The following GLIS2 variants were observed in gnomAD, a reference collection of about 807,000 sequenced individuals.
GLIS2 encodes GLIS family zinc finger 2, also known as zinc finger protein GLIS2.
In GLIS2, 14 loss-of-function variants were observed where a neutral mutation model predicts 35.6. That is an observed-to-expected ratio of 0.39 (90% CI 0.26 to 0.61). The LOEUF (loss-of-function observed/expected upper bound fraction) is 0.61, where lower values mean the gene tolerates loss of function less well. Among genes scored for constraint, GLIS2 ranks in the 20% least tolerant of loss-of-function variants. The pLI is 0.48. For synonymous variants in GLIS2, 368 were observed against 325.1 expected (o/e 1.13, Z -1.42); for missense variants, 675 against 713.4 (o/e 0.95, Z 0.61).
chr16:4,320,386 C>A lies in GLIS2; in HGVS notation c.-67+4132C>A, dbSNP rs937631170. Among the ~76,000 whole-genome samples, 2 of 152,030 alleles carry A rather than the reference C, an allele frequency of 1.3e-5. No homozygotes were observed. The highest frequency in any genetic ancestry group is 2.4e-5 in the African/African-American group (1 of 41,336). On this transcript the variant is annotated intron_variant, in intron 1 of 6. Coordinates refer to ENST00000433375, the MANE Select transcript of GLIS2 (RefSeq NM_032575.3). This position sits in a 1 kb window ranked among gnomAD's most constrained non-coding sequence, Gnocchi z 5.6. ...CGCTCCCAGGGCAGCCTCGCTTGGACCCTGGTAGTCAAGAGGTCGTCGGAG... is the reference window on the plus strand; with the variant it reads ...CGCTCCCAGGGCAGCCTCGCTTGGAACCTGGTAGTCAAGAGGTCGTCGGAG...
At chr16:4,334,378 C>T (rs1271026472) in intron 3 of GLIS2, among the ~76,000 whole-genome samples, 1 of 151,602 alleles carries the variant, frequency 6.6e-6, no homozygotes. Context: ...GCTGAGATTA[C>T]AGGCATGTGC....
chr16:4,316,917 A>G (rs2053319635), intron 1 of GLIS2, among the ~76,000 whole-genome samples: 1 of 151,976 alleles, frequency 6.6e-6, no homozygotes, highest in Non-Finnish European at 1.5e-5. Context: ...GCGGGTCTGG[A>G]GCGGGTGGAG....
In GLIS2 at chr16:4,320,379, G is replaced by C. The variant is rs928913713; in HGVS notation, c.-67+4125G>C. Among the ~76,000 whole-genome samples the C allele has an allele frequency of 3.3e-5, 5 of 152,158 alleles. No homozygotes were observed. Among genetic ancestry groups the C allele is most frequent in the African/African-American group, 1.2e-4 (5 of 41,442 alleles). On this transcript the variant is annotated intron_variant, in intron 1 of 6. Coordinates refer to ENST00000433375, the MANE Select transcript of GLIS2 (RefSeq NM_032575.3). The surrounding 1 kb of genome is among the most constrained non-coding windows in gnomAD (Gnocchi z 5.6). ...CACAGCACGCTCCCAGGGCAGCCTC[G>C]CTTGGACCCTGGTAGTCAAGAGGTC...
Position 4,332,389 on chromosome 16 carries a change from C to T in GLIS2, c.109C>T (p.His37Tyr). Residue 37 changes from histidine (H) to tyrosine (Y), a missense_variant, in exon 2 of 7, where the codon CAC becomes TAC. His to Tyr is a moderately conservative substitution (Grantham distance 83). Coordinates refer to ENST00000433375, the MANE Select transcript of GLIS2 (RefSeq NM_032575.3). The surrounding 1 kb of genome is among the most constrained non-coding windows in gnomAD (Gnocchi z 5.4). The part of the protein sequence containing the change: ...TLGVVRPRAL[H>Y]RELGLVDDSP... Reference sequence around the variant, plus strand: ...GGGTGTGGTCCGGCCCCGTGCTCTGCACAGGGAGCTGGGCCTGGTGGATGA... The same window carrying T: ...GGGTGTGGTCCGGCCCCGTGCTCTGTACAGGGAGCTGGGCCTGGTGGATGA... 1 of 1,612,974 alleles carries T rather than the reference C, an allele frequency of 6.2e-7. No homozygotes were observed. Among genetic ancestry groups the T allele is most frequent in the Non-Finnish European group, 8.5e-7 (1 of 1,180,014 alleles).
chr16:4,323,199 C>A (rs1284686426), intron 1 of GLIS2, among the ~76,000 whole-genome samples: 1 of 152,194 alleles, frequency 6.6e-6, no homozygotes, highest in Non-Finnish European at 1.5e-5. Flanking sequence ...GCTGTCTGTG[C>A]CCCAGCCTTG....
chr16:4,337,338 G>C lies in GLIS2; in HGVS notation c.1389G>C (p.Thr463=). The C allele has an allele frequency of 1.3e-6, 2 of 1,586,964 alleles. No individual in the cohort carries two copies. Among genetic ancestry groups the C allele is most frequent in the Non-Finnish European group, 1.7e-6 (2 of 1,168,444 alleles). ...TRALGMEGHK[T]PLERTESSCS... is the part of the protein sequence containing the mutation. ...CCCTGGGCATGGAGGGCCACAAGAC[G>C]CCCCTTGAAAGGACGGAGAGCAGCT... The change falls in exon 7 of 7, where the codon ACG becomes ACC. Residue 463 remains threonine, a synonymous_variant. Coordinates refer to ENST00000433375, the MANE Select transcript of GLIS2 (RefSeq NM_032575.3).
intron 1 of GLIS2, among the ~76,000 whole-genome samples, chr16:4,329,784 G>T (rs1173651956): frequency 2.6e-5 from 4 of 152,346 alleles, no homozygotes; most frequent in Non-Finnish European, 4.4e-5. Flanking sequence ...CCAATACCGC[G>T]AAAGACGGGA....
At chr16:4,315,327 C>A (rs2053294731), upstream of GLIS2, 1 of 152,200 alleles carries the variant, frequency 6.6e-6, no homozygotes, top group Non-Finnish European at 1.5e-5. Context: ...CATCGGGATC[C>A]GGGACCTCTG....
At chr16:4,334,121 TA>T (rs1302314004) in intron 3 of GLIS2, among the ~76,000 whole-genome samples, 1 of 151,882 alleles carries the variant, frequency 6.6e-6, no homozygotes, top group African/African-American at 2.4e-5. Context: ...GTATTTTTAG[TA>T]GAGACAGGGT....
chr16:4,328,245 C>T (rs936873018), intron 1 of GLIS2: 1 of 152,342 alleles, frequency 6.6e-6, no homozygotes, highest in East Asian at 1.9e-4. Context: ...CGGCCACCCG[C>T]TCATGGGCAC....
At position 4,338,025 on chromosome 16, in the gene GLIS2, C is replaced by G. The variant is rs1167284399; in HGVS notation, c.*501C>G. 4.8e-6 allele frequency: 1 copy of G among 207,394 alleles called. No homozygotes were observed. The highest frequency in any genetic ancestry group is 2.3e-5 in the African/African-American group (1 of 42,946). 12.8% of individuals were successfully genotyped at this position (207,394 alleles called of 1,614,324 possible). A position where few individuals can be genotyped will look rare whatever the true frequency, so the allele number is the denominator to read the frequency against. On this transcript the variant is annotated 3_prime_UTR_variant, in exon 7 of 7. Transcript: ENST00000433375. ...GCCCCTGCCCTGGGGGCTCCTTGGA[C>G]CCCTTTCCCTCTGACCCTGCCTCCA...
At chr16:4,316,868 G>T (rs186616114) in intron 1 of GLIS2, among the ~76,000 whole-genome samples, 2 of 152,310 alleles carry the variant, frequency 1.3e-5, no homozygotes, top group Admixed American at 6.5e-5. Flanking sequence ...GACCGGCCTG[G>T]CAGGGAGGAG....
chr16:4,331,848 C>G lies in GLIS2; in HGVS notation c.-66-367C>G, dbSNP rs1019153221. On this transcript the variant is annotated intron_variant, in intron 1 of 6. Coordinates refer to ENST00000433375, the MANE Select transcript of GLIS2 (RefSeq NM_032575.3). ...CCTGTAGTCCCAGCTACCAGGGAGG[C>G]TGAGGTGGGAGGATCGCTTGAGCCT... is the stretch of plus-strand genomic sequence containing the variant. 5 of 257,172 alleles carry G rather than the reference C, an allele frequency of 1.9e-5. No homozygotes were observed. The Admixed American group carries it at 2.4e-4, about 12-fold the overall frequency. 15.9% of individuals were successfully genotyped at this position (257,172 alleles called of 1,614,324 possible). A position where few individuals can be genotyped will look rare whatever the true frequency, so the allele number is the denominator to read the frequency against.
intron 1 of GLIS2, chr16:4,328,195 G>A (rs1256416129): frequency 1.3e-5 from 2 of 152,292 alleles, no homozygotes; most frequent in African/African-American, 2.4e-5. Flanking sequence ...GGCTGAGCTT[G>A]TCCAGAGCCA....
In GLIS2 at chr16:4,316,272, C is replaced by G. The variant is rs2053310083; in HGVS notation, c.-67+18C>G. 7.6e-6 allele frequency among the ~76,000 whole-genome samples: 1 copy of G among 131,742 alleles called. No homozygotes were observed. Among genetic ancestry groups the G allele is most frequent in the African/African-American group, 2.8e-5 (1 of 35,816 alleles). 86.4% of individuals were successfully genotyped at this position (131,742 alleles called of 152,430 possible). Reference sequence around the variant, plus strand: ...CCGCTGAGGTAGGAAGCCCCCCGGGCGTCGCGCCGTGGGGACCGGGCCGGG... The same window carrying G: ...CCGCTGAGGTAGGAAGCCCCCCGGGGGTCGCGCCGTGGGGACCGGGCCGGG... On this transcript the variant is annotated intron_variant, in intron 1 of 6. Coordinates refer to ENST00000433375, the MANE Select transcript of GLIS2 (RefSeq NM_032575.3).
At chr16:4,329,560 G>A (rs981499166) in intron 1 of GLIS2, among the ~76,000 whole-genome samples, 3 of 152,196 alleles carry the variant, frequency 2.0e-5, no homozygotes, top group Admixed American at 6.5e-5. Context: ...GATCTCCAGT[G>A]AAGGGGGGAC....
At position 4,332,953 on chromosome 16, in the gene GLIS2, G is replaced by A. The variant is rs370876760; in HGVS notation, c.173-394G>A. ...GAAGGCTATGGGAGCAGCCCAGCCC[G>A]AACCTGCCACTTTACAGAAGGGAAC... is the stretch of plus-strand genomic sequence containing the variant. On this transcript the variant is annotated intron_variant, in intron 2 of 6. Transcript: ENST00000433375. The surrounding 1 kb of genome is among the most constrained non-coding windows in gnomAD (Gnocchi z 5.4). 2.1e-4 allele frequency among the ~76,000 whole-genome samples: 32 copies of A among 152,288 alleles called. No homozygotes were observed. The South Asian group carries it at 6.0e-3, about 29-fold the overall frequency.
Position 4,337,154 on chromosome 16 carries a change from T to C in GLIS2, c.1205T>C (p.Leu402Pro). ...SGGGGGMGPG[L>P]PGPVLPLNLA... ...GGTGGGGGGGGCATGGGCCCTGGGC[T>C]GCCAGGCCCCGTCCTGCCTCTCAAT... Residue 402 changes from leucine (L) to proline (P), a missense_variant, in exon 7 of 7, where the codon CTG becomes CCG. Coordinates refer to ENST00000433375, the MANE Select transcript of GLIS2 (RefSeq NM_032575.3). 6.5e-7 allele frequency: 1 copy of C among 1,539,206 alleles called. No individual in the cohort carries two copies. Among genetic ancestry groups the C allele is most frequent in the Non-Finnish European group, 8.7e-7 (1 of 1,146,738 alleles).
Position 4,325,929 on chromosome 16 carries a change from T to TAAAAA in GLIS2, c.-66-6263_-66-6259dup, listed in dbSNP as rs58290393. ...GGAGACAGAGCAAGACTCTGTGTCT[T>TAAAAA]AAAAAAAAAAAAAAAAAAAAAAAAA... On this transcript the variant is annotated intron_variant, in intron 1 of 6. Transcript: ENST00000433375. 2.7e-4 allele frequency among the ~76,000 whole-genome samples: 11 copies of TAAAAA among 40,136 alleles called. 1 individual carries two copies. The highest frequency in any genetic ancestry group is 1.3e-3 in the African/African-American group (11 of 8,676). 26.3% of individuals were successfully genotyped at this position (40,136 alleles called of 152,430 possible). A position where few individuals can be genotyped will look rare whatever the true frequency, so the allele number is the denominator to read the frequency against.
Sources: gnomAD v4.1 joint callset for allele counts (sites outside exome capture counted in the v4.1 genomes callset) on GRCh38, gnomAD v4.1.1 for gene constraint, Gnocchi (gnomAD v3.1) non-coding constraint, MANE v1.5 for transcripts, NCBI Gene and HGNC (gene_info 2026-07-23, HGNC 2026-07-21) for gene names.